The following CADM1 variants were observed in gnomAD, a reference collection of about 807,000 sequenced individuals.
The protein encoded by CADM1 is TSLC-1.
Under a neutral mutation model 53.1 loss-of-function variants are expected in CADM1, and 15 were observed. That is an observed-to-expected ratio of 0.28 (90% CI 0.19 to 0.44). CADM1 has a LOEUF of 0.44. CADM1 is among the 20% of genes least tolerant of loss of function. The pLI, the probability that CADM1 is intolerant of heterozygous loss-of-function variation, is 1.00. For synonymous variants in CADM1, 281 were observed against 243.0 expected (o/e 1.16, Z -1.45); for missense variants, 434 against 611.3 (o/e 0.71, Z 3.06).
chr11:115,313,751 G>A (rs906079729), intron 1 of CADM1, among the ~76,000 whole-genome samples: 1 of 152,126 alleles, frequency 6.6e-6, no homozygotes, highest in African/African-American at 2.4e-5. Context: ...TTCCAGCCTA[G>A]TGCCTGAGGT....
rs1353371206 is a variant in CADM1 at position 115,400,691 on chromosome 11, A to G, written c.124+103580T>C. ...TATATATATATATATATATATATAT[A>G]TATATATATATATATGCTTATTTGC... is the stretch of plus-strand genomic sequence containing the variant. On this transcript the variant is annotated intron_variant, in intron 1 of 11. Coordinates refer to ENST00000331581, the MANE Select transcript of CADM1 (RefSeq NM_001301043.2). Among the ~76,000 whole-genome samples the G allele has an allele frequency of 6.7e-5, 7 of 104,696 alleles. 1 individual carries two copies. The South Asian group carries it at 8.4e-4, about 13-fold the overall frequency. The allele number at this position is 104,696 out of a possible 152,430, so 68.7% of individuals were successfully genotyped here.
At chr11:115,404,327 GA>G (rs1216372271) in intron 1 of CADM1, among the ~76,000 whole-genome samples, 19 of 5,816 alleles carry the variant, frequency 3.3e-3, no homozygotes, top group South Asian at 0.017. Context: ...ATCTGTCTCG[GA>G]AAAAAAAAAA....
chr11:115,339,821 C>G (rs1432316020), intron 1 of CADM1, among the ~76,000 whole-genome samples: 1 of 152,058 alleles, frequency 6.6e-6, no homozygotes, highest in Non-Finnish European at 1.5e-5. Flanking sequence ...TAAGTAAATC[C>G]AAGCTTTGAC....
chr11:115,482,448 T>TAC (rs760354215), intron 1 of CADM1, among the ~76,000 whole-genome samples: 3 of 152,124 alleles, frequency 2.0e-5, no homozygotes, highest in African/African-American at 7.2e-5. Flanking sequence ...CACAAACACA[T>TAC]ACACACACAG....
At chr11:115,431,302 C>T (rs1948043192) in intron 1 of CADM1, among the ~76,000 whole-genome samples, 1 of 152,234 alleles carries the variant, frequency 6.6e-6, no homozygotes, top group Non-Finnish European at 1.5e-5. Flanking sequence ...ATACCCAGCC[C>T]ATCACCAAGC....
chr11:115,301,804 C>T (rs1217227061), intron 1 of CADM1, among the ~76,000 whole-genome samples: 3 of 152,062 alleles, frequency 2.0e-5, no homozygotes, highest in East Asian at 3.9e-4. Context: ...GATAACAGTA[C>T]ACACCCCATA....
intron 1 of CADM1, among the ~76,000 whole-genome samples, chr11:115,432,834 G>C (rs955081991): frequency 6.6e-6 from 1 of 152,176 alleles, no homozygotes; most frequent in African/African-American, 2.4e-5. Flanking sequence ...TTAAACAAGA[G>C]TCTATCGGCT....
chr11:115,399,861 G>A (rs560450720), intron 1 of CADM1, among the ~76,000 whole-genome samples: 37 of 152,168 alleles, frequency 2.4e-4, no homozygotes, highest in East Asian at 7.7e-4. Flanking sequence ...GTCCACCTGC[G>A]GTCTACCCAC....
chr11:115,488,187 A>C (rs1004928140), intron 1 of CADM1, among the ~76,000 whole-genome samples: 2 of 152,194 alleles, frequency 1.3e-5, no homozygotes, highest in African/African-American at 2.4e-5. Flanking sequence ...ATATAGAGCT[A>C]TGTAGCTACA....
rs1193040377 is a variant in CADM1 at position 115,174,108 on chromosome 11, C to T, written c.*2366G>A. 1 of 985,008 alleles carries T rather than the reference C, an allele frequency of 1.0e-6. No individual in the cohort carries two copies. The highest frequency in any genetic ancestry group is 1.2e-6 in the Non-Finnish European group (1 of 829,758). The allele number at this position is 985,008 out of a possible 1,614,324, so 61.0% of individuals were successfully genotyped here. A position where few individuals can be genotyped will look rare whatever the true frequency, so the allele number is the denominator to read the frequency against. ...GTGGGGCCTACACTTTGCAATCTAC[C>T]TGAGACGGAAAACACCAATCGCAAC... is the stretch of plus-strand genomic sequence containing the variant. On this transcript the variant is annotated 3_prime_UTR_variant, in exon 12 of 12. Transcript: ENST00000331581.
intron 1 of CADM1, among the ~76,000 whole-genome samples, chr11:115,438,948 T>C (rs186958483): frequency 4.1e-4 from 62 of 152,342 alleles, no homozygotes; most frequent in African/African-American, 1.3e-3. Flanking sequence ...ATCTGTTCTC[T>C]AGACTGCATT....
intron 1 of CADM1, among the ~76,000 whole-genome samples, chr11:115,481,302 CCTTAT>C (rs1450763058): frequency 1.3e-5 from 2 of 152,130 alleles, no homozygotes; most frequent in East Asian, 1.9e-4. Context: ...TGGTGGCCTC[CCTTAT>C]CTTATCTGAA....
At chr11:115,221,638 C>T (rs2134799050) in intron 5 of CADM1, among the ~76,000 whole-genome samples, 1 of 152,316 alleles carries the variant, frequency 6.6e-6, no homozygotes, top group African/African-American at 2.4e-5. Context: ...GAAGATGAAA[C>T]TCAAGATTCT....
intron 1 of CADM1, among the ~76,000 whole-genome samples, chr11:115,392,442 C>T (rs1195026939): frequency 2.0e-5 from 3 of 151,924 alleles, no homozygotes; most frequent in Admixed American, 1.3e-4. Context: ...ATTACCTCTA[C>T]TCTAAAAAGC....
intron 1 of CADM1, among the ~76,000 whole-genome samples, chr11:115,412,018 G>A (rs1225423455): frequency 6.6e-6 from 1 of 151,934 alleles, no homozygotes; most frequent in Non-Finnish European, 1.5e-5. Context: ...TACACATAAA[G>A]CTTGAAAATA....
At chr11:115,302,722 G>A (rs1351999133) in intron 1 of CADM1, among the ~76,000 whole-genome samples, 1 of 152,050 alleles carries the variant, frequency 6.6e-6, no homozygotes, top group African/African-American at 2.4e-5. Flanking sequence ...TAACCAGGGT[G>A]ACAAAAATAA....
chr11:115,230,666 A>G (rs1740188286), intron 4 of CADM1, among the ~76,000 whole-genome samples: 1 of 152,328 alleles, frequency 6.6e-6, no homozygotes, highest in South Asian at 2.1e-4. Context: ...CCCAGTACAG[A>G]GGTAAAGATG....
intron 1 of CADM1, among the ~76,000 whole-genome samples, chr11:115,456,554 T>C (rs1190331688): frequency 6.6e-6 from 1 of 152,142 alleles, no homozygotes; most frequent in Non-Finnish European, 1.5e-5. Flanking sequence ...AAATTATCAT[T>C]AAAGGCTTAG....
At chr11:115,353,725 G>C (rs1443306682) in intron 1 of CADM1, among the ~76,000 whole-genome samples, 4 of 152,070 alleles carry the variant, frequency 2.6e-5, no homozygotes, top group African/African-American at 9.7e-5. Context: ...GGAGGTTCAG[G>C]GAGTGGTATT....
Sources: allele counts gnomAD v4.1 joint callset (sites outside exome capture counted in the v4.1 genomes callset), GRCh38; gene constraint gnomAD v4.1.1; transcripts MANE v1.5; gene names NCBI Gene and HGNC (gene_info 2026-07-23, HGNC 2026-07-21).